The following GRK3 variants were observed in gnomAD, a reference collection of about 807,000 sequenced individuals.
The protein encoded by GRK3 is adrenergic, beta, receptor kinase 2.
GRK3 carries 54 observed loss-of-function variants against 95.7 expected under a neutral mutation model. The observed-to-expected ratio is 0.56, with a 90% CI of 0.45 to 0.71. The LOEUF (loss-of-function observed/expected upper bound fraction) is 0.71, where lower values mean the gene tolerates loss of function less well. Ranked by LOEUF, GRK3 falls within the 30% of genes least tolerant of loss-of-function variation. The probability of loss-of-function intolerance (pLI) is 0.00; values close to 1 mark genes in which losing one functional copy is unlikely to be tolerated. For missense variants in GRK3, 649 were observed against 851.2 expected, an observed-to-expected ratio of 0.76 and a Z score of 2.96; for synonymous variants, 281 against 290.8, an observed-to-expected ratio of 0.97 and a Z score of 0.34.
intron 1 of GRK3, among the ~76,000 whole-genome samples, chr22:25,590,417 C>T (rs1932453789): frequency 6.6e-6 from 1 of 151,948 alleles, no homozygotes; most frequent in South Asian, 2.1e-4. Flanking sequence ...ATACATTCCT[C>T]TTCTATCATT....
rs531352960 is a variant in GRK3, at chr22:25,720,764, C to T, written c.1792-520C>T. Among the ~76,000 whole-genome samples, 8 of 152,158 alleles carry T rather than the reference C, an allele frequency of 5.3e-5. No homozygotes were observed. The South Asian group carries it at 8.3e-4, about 16-fold the overall frequency. Reference sequence around the variant, plus strand: ...TGCTGGGATTACAGGCATGAGCCACCGCGCCCAGCCTATAGACCTTTTAAT... The same window carrying T: ...TGCTGGGATTACAGGCATGAGCCACTGCGCCCAGCCTATAGACCTTTTAAT... On this transcript the variant is annotated intron_variant, in intron 19 of 20. Coordinates refer to ENST00000324198, the MANE Select transcript of GRK3 (RefSeq NM_005160.4).
At chr22:25,720,467 CTTTTTTTTTTTTT>C (rs963248407) in intron 19 of GRK3, among the ~76,000 whole-genome samples, 5 of 102,574 alleles carry the variant, frequency 4.9e-5, no homozygotes, top group African/African-American at 7.7e-5. Flanking sequence ...ATACTATAGA[CTTTTTTTTTTTTT>C]TTTTTTTTTT....
intron 9 of GRK3, among the ~76,000 whole-genome samples, chr22:25,683,275 G>T (rs1319281544): frequency 6.6e-6 from 1 of 152,138 alleles, no homozygotes; most frequent in Non-Finnish European, 1.5e-5. Flanking sequence ...TTCTACTGTT[G>T]GTAGACATTG....
intron 3 of GRK3, chr22:25,647,800 G>A (rs1249605628): frequency 2.2e-6 from 2 of 900,244 alleles, no homozygotes; most frequent in African/African-American, 1.6e-5. Context: ...AAATTAATGA[G>A]GTATTTTCTT....
chr22:25,717,019 G>A (rs904750860), intron 18 of GRK3, among the ~76,000 whole-genome samples: 3 of 152,160 alleles, frequency 2.0e-5, no homozygotes, highest in African/African-American at 7.2e-5. Flanking sequence ...CCCCATCCCC[G>A]TCTGTGGAAA....
At chr22:25,685,108 T>C in intron 9 of GRK3, 62 bp from the exon 10 acceptor site, 1 of 1,028,096 alleles carries the variant, frequency 9.7e-7, no homozygotes, top group Non-Finnish European at 1.5e-6. Flanking sequence ...TGGTGTTTGG[T>C]GGTAGATGTG....
chr22:25,687,324 C>G (rs1362287700), intron 10 of GRK3, among the ~76,000 whole-genome samples: 1 of 152,046 alleles, frequency 6.6e-6, no homozygotes, highest in Non-Finnish European at 1.5e-5. Context: ...GCTGTCTTGT[C>G]CTTCCTGTCA....
intron 2 of GRK3, among the ~76,000 whole-genome samples, chr22:25,623,477 T>A (rs372385888): frequency 4.1e-4 from 62 of 152,338 alleles, no homozygotes; most frequent in African/African-American, 1.5e-3. Flanking sequence ...TGGTGCAGCC[T>A]TAGTGAGCCA....
intron 1 of GRK3, among the ~76,000 whole-genome samples, chr22:25,594,738 C>T (rs567560388): frequency 1.6e-4 from 25 of 151,946 alleles, no homozygotes; most frequent in African/African-American, 5.1e-4. Flanking sequence ...ATTAGCCGGG[C>T]GTGGCGGTGG....
At chr22:25,575,611 G>A (rs1204446847) in intron 1 of GRK3, among the ~76,000 whole-genome samples, 2 of 152,030 alleles carry the variant, frequency 1.3e-5, no homozygotes, top group African/African-American at 2.4e-5. Context: ...AAAACCCCAT[G>A]GTAGATAGTC....
At chr22:25,598,111 A>G (rs2084384541) in intron 1 of GRK3, among the ~76,000 whole-genome samples, 1 of 152,248 alleles carries the variant, frequency 6.6e-6, no homozygotes, top group Non-Finnish European at 1.5e-5. Flanking sequence ...CAAATATATT[A>G]TGAGATTTAG....
At chr22:25,614,279 A>G (rs1296342393) in intron 2 of GRK3, among the ~76,000 whole-genome samples, 6 of 152,042 alleles carry the variant, frequency 3.9e-5, no homozygotes, top group Non-Finnish European at 7.4e-5. Flanking sequence ...AGGCACAGGC[A>G]TGCGCCAACA....
chr22:25,643,527 A>G (rs2084758406), intron 2 of GRK3, among the ~76,000 whole-genome samples: 1 of 152,154 alleles, frequency 6.6e-6, no homozygotes, highest in Non-Finnish European at 1.5e-5. Context: ...TCATCTCTAC[A>G]TGGTAGACTT....
chr22:25,628,541 T>C (rs938709160), intron 2 of GRK3, among the ~76,000 whole-genome samples: 3 of 152,210 alleles, frequency 2.0e-5, no homozygotes, highest in Non-Finnish European at 1.5e-5. Context: ...CTGACTGGTA[T>C]AGGAAGATCT....
chr22:25,571,909 G>A (rs2146311104), intron 1 of GRK3, among the ~76,000 whole-genome samples: 1 of 152,152 alleles, frequency 6.6e-6, no homozygotes, highest in Non-Finnish European at 1.5e-5. Flanking sequence ...ACAACATGCA[G>A]GTTTGTTGTA....
chr22:25,702,999 T>A, intron 13 of GRK3: 1 of 403,020 alleles, frequency 2.5e-6, no homozygotes, highest in South Asian at 1.8e-5. Context: ...ACGGTTAGTT[T>A]CTGTTTTCAT....
chr22:25,607,418 G>A (rs2084459214), intron 2 of GRK3, among the ~76,000 whole-genome samples: 1 of 151,592 alleles, frequency 6.6e-6, no homozygotes, highest in African/African-American at 2.4e-5. Flanking sequence ...TGTAATTGAT[G>A]ATAATATTTC....
chr22:25,618,225 C>A (rs545269671), intron 2 of GRK3, among the ~76,000 whole-genome samples: 4 of 152,360 alleles, frequency 2.6e-5, no homozygotes, highest in East Asian at 3.9e-4. Context: ...CATACACTAT[C>A]ATTTCTCTTT....
At chr22:25,570,290 T>C (rs1931646289) in intron 1 of GRK3, among the ~76,000 whole-genome samples, 1 of 152,134 alleles carries the variant, frequency 6.6e-6, no homozygotes, top group South Asian at 2.1e-4. Flanking sequence ...TAATGAGAAA[T>C]TGTGTAATAC....
Sources: gnomAD v4.1 joint callset for allele counts (sites outside exome capture counted in the v4.1 genomes callset) on GRCh38, gnomAD v4.1.1 for gene constraint, MANE v1.5 for transcripts, NCBI Gene and HGNC (gene_info 2026-07-23, HGNC 2026-07-21) for gene names.